The following ARHGAP22 variants were observed in gnomAD, a reference collection of about 807,000 sequenced individuals.
ARHGAP22 encodes the protein rho GTPase-activating protein 22.
ARHGAP22 carries 48 observed loss-of-function variants against 59.1 expected under a neutral mutation model. That is an observed-to-expected ratio of 0.81 (90% CI 0.64 to 1.03). The LOEUF (loss-of-function observed/expected upper bound fraction) is 1.03. ARHGAP22 is among the 50% of genes least tolerant of loss of function. The pLI is 0.00. For missense variants in ARHGAP22, 1,015 were observed against 958.7 expected, an observed-to-expected ratio of 1.06 and a Z score of -0.78; for synonymous variants, 445 against 416.4, an observed-to-expected ratio of 1.07 and a Z score of -0.84.
the ARHGAP22 span, chr10:48,430,535 T>A: frequency 6.6e-6 from 1 of 152,460 alleles, no homozygotes; most frequent in African/African-American, 2.4e-5. Context: ...CCAGTGTGTC[T>A]CTTCAGTTGG....
At chr10:48,565,500 A>G (rs2057993415) in intron 2 of ARHGAP22, among the ~76,000 whole-genome samples, 1 of 152,180 alleles carries the variant, frequency 6.6e-6, no homozygotes, top group Admixed American at 6.5e-5. Flanking sequence ...AGTAAGTGCT[A>G]TTGCTGTGAT....
intron 3 of ARHGAP22, among the ~76,000 whole-genome samples, chr10:48,548,927 T>C (rs1218663189): frequency 6.6e-6 from 1 of 152,196 alleles, no homozygotes; most frequent in Non-Finnish European, 1.5e-5. Context: ...GGGTTAGAGC[T>C]GGCTCAAGCT....
chr10:48,479,750 G>T lies in ARHGAP22; in HGVS notation c.337C>A (p.Arg113=). 6.3e-7 allele frequency: 1 copy of T among 1,590,696 alleles called. No homozygotes were observed. Among genetic ancestry groups the T allele is most frequent in the Non-Finnish European group, 8.6e-7 (1 of 1,166,870 alleles). Residue 113 remains arginine (R), a synonymous_variant, in exon 4 of 10, where the codon CGG becomes AGG. Transcript: ENST00000249601. Reference sequence around the variant, plus strand: ...TCGGGGTTGGCCGGCACCTTCTCCCGCTCCCCGGCACCACCTGCAAGACAG... The same window carrying T: ...TCGGGGTTGGCCGGCACCTTCTCCCTCTCCCCGGCACCACCTGCAAGACAG... ...FEISPGGAGE[R]EKVPANPEAL...
chr10:48,521,479 G>A lies in ARHGAP22; in HGVS notation c.322+33984C>T, dbSNP rs145324795. On this transcript the variant is annotated intron_variant, in intron 3 of 9. Transcript: ENST00000249601. ...CTTTATCAAGTAGATTTTTACACAGGGACAAACATGCTAAAATGTTCTGTT... is the reference window on the plus strand; with the variant it reads ...CTTTATCAAGTAGATTTTTACACAGAGACAAACATGCTAAAATGTTCTGTT... Among the ~76,000 whole-genome samples, 1,044 of 152,222 alleles carry A rather than the reference G, an allele frequency of 6.9e-3. 8 individuals are homozygous for A. Among genetic ancestry groups the A allele is most frequent in the Non-Finnish European group, 9.9e-3 (675 of 68,016 alleles).
chr10:48,514,233 T>C (rs746082403), intron 3 of ARHGAP22, among the ~76,000 whole-genome samples: 2 of 151,498 alleles, frequency 1.3e-5, no homozygotes, highest in Admixed American at 6.6e-5. Context: ...AGAAAAAAGG[T>C]AGAAAGAATA....
intron 3 of ARHGAP22, among the ~76,000 whole-genome samples, chr10:48,504,981 CA>C (rs1347093961): frequency 6.6e-6 from 1 of 152,174 alleles, no homozygotes; most frequent in African/African-American, 2.4e-5. Flanking sequence ...GGGGCCCAAG[CA>C]AGCAATGGGG....
chr10:48,646,141 A>C (rs1411646827), intron 1 of ARHGAP22, among the ~76,000 whole-genome samples: 10 of 152,222 alleles, frequency 6.6e-5, no homozygotes, highest in African/African-American at 2.4e-4. Flanking sequence ...TAAATTTAAC[A>C]ATGATGTGAA....
intron 3 of ARHGAP22, among the ~76,000 whole-genome samples, chr10:48,539,512 C>G (rs2055722670): frequency 6.6e-6 from 1 of 151,522 alleles, no homozygotes; most frequent in African/African-American, 2.4e-5. Flanking sequence ...GGGATGGTCT[C>G]GATCTCCTGA....
intron 1 of ARHGAP22, among the ~76,000 whole-genome samples, chr10:48,645,724 C>T (rs949293089): frequency 2.6e-5 from 4 of 152,110 alleles, no homozygotes; most frequent in Non-Finnish European, 5.9e-5. Flanking sequence ...AATGCTTTCC[C>T]CTTAAAATAA....
intron 3 of ARHGAP22, among the ~76,000 whole-genome samples, chr10:48,509,595 AT>A (rs752841981): frequency 3.3e-5 from 5 of 152,202 alleles, no homozygotes; most frequent in Non-Finnish European, 5.9e-5. Context: ...GCAGGGCAGG[AT>A]GCTGGGTGAC....
chr10:48,654,846 CTCT>C (rs2062711199), upstream of ARHGAP22, among the ~76,000 whole-genome samples: 2 of 140,424 alleles, frequency 1.4e-5, no homozygotes, highest in African/African-American at 2.7e-5. Flanking sequence ...TCCTTCCTCT[CTCT>C]TTTCTTTCTC....
chr10:48,451,897 C>T (rs994568110), intron 8 of ARHGAP22, among the ~76,000 whole-genome samples: 3 of 151,820 alleles, frequency 2.0e-5, no homozygotes, highest in Non-Finnish European at 4.4e-5. Context: ...ATCCCCTACC[C>T]AGCCTCCCCA....
intron 1 of ARHGAP22, among the ~76,000 whole-genome samples, chr10:48,613,512 T>A (rs559502883): frequency 6.2e-4 from 95 of 152,290 alleles, no homozygotes; most frequent in Non-Finnish European, 1.1e-3. Flanking sequence ...TTCCAGTAGT[T>A]CTTAGACCTA....
chr10:48,599,853 G>A (rs879346149), intron 1 of ARHGAP22, among the ~76,000 whole-genome samples: 2 of 152,152 alleles, frequency 1.3e-5, no homozygotes, highest in African/African-American at 2.4e-5. Flanking sequence ...GGCATTGTGC[G>A]TACCTGCCAT....
At chr10:48,479,543 T>C in intron 4 of ARHGAP22, 93 bp downstream of exon 4, 5 of 1,600,952 alleles carry the variant, frequency 3.1e-6, no homozygotes, top group Non-Finnish European at 3.4e-6. Flanking sequence ...AAGTCCTCAG[T>C]GAGCAGGGTC....
chr10:48,513,351 A>G (rs1351460232), intron 3 of ARHGAP22, among the ~76,000 whole-genome samples: 1 of 152,184 alleles, frequency 6.6e-6, no homozygotes, highest in East Asian at 1.9e-4. Context: ...TTGTGGAGGA[A>G]AGACGTGAGA....
chr10:48,476,526 G>A (rs569038090), intron 4 of ARHGAP22, among the ~76,000 whole-genome samples: 31 of 152,348 alleles, frequency 2.0e-4, no homozygotes, highest in Admixed American at 9.1e-4. Flanking sequence ...ACCTTCAGGG[G>A]CCGACTGAGC....
intron 3 of ARHGAP22, among the ~76,000 whole-genome samples, chr10:48,543,274 C>T (rs1194024748): frequency 1.3e-5 from 2 of 152,092 alleles, no homozygotes; most frequent in Admixed American, 6.5e-5. Flanking sequence ...TGCAGGGAAG[C>T]GGGGTGGCCT....
At chr10:48,448,844 C>G (rs2045618660) in intron 9 of ARHGAP22, among the ~76,000 whole-genome samples, 1 of 152,230 alleles carries the variant, frequency 6.6e-6, no homozygotes, top group African/African-American at 2.4e-5. Flanking sequence ...AGCCACCAGG[C>G]AGGAGTCAAT....
Sources: allele counts gnomAD v4.1 joint callset (sites outside exome capture counted in the v4.1 genomes callset), GRCh38; gene constraint gnomAD v4.1.1; transcripts MANE v1.5; gene names NCBI Gene and HGNC (gene_info 2026-07-23, HGNC 2026-07-21).